PCDH15: variants seen among roughly 807,000 people sequenced by gnomAD.
PCDH15 encodes protocadherin related 15.
PCDH15 carries 129 observed loss-of-function variants against 178.5 expected under a neutral mutation model. That is an observed-to-expected ratio of 0.72 (90% CI 0.63 to 0.84). The LOEUF is 0.84. Ranked by LOEUF, PCDH15 falls within the 40% of genes least tolerant of loss-of-function variation. The pLI is 0.00. For synonymous variants in PCDH15, 800 were observed against 732.0 expected, an observed-to-expected ratio of 1.09 and a Z score of -1.50; for missense variants, 2,230 against 2,099.9, an observed-to-expected ratio of 1.06 and a Z score of -1.21.
At chr10:54,795,531 T>C (rs774900835) in intron 1 of PCDH15, among the ~76,000 whole-genome samples, 5 of 151,916 alleles carry the variant, frequency 3.3e-5, no homozygotes, top group African/African-American at 7.2e-5. Context: ...CCATACTCTA[T>C]GGAAACTAAT....
chr10:54,796,673 T>C (rs1952048297), intron 1 of PCDH15, among the ~76,000 whole-genome samples: 2 of 151,904 alleles, frequency 1.3e-5, no homozygotes, highest in African/African-American at 4.8e-5. Flanking sequence ...CTCTAACTTT[T>C]ATTATGTTTT....
chr10:54,752,538 A>AC (rs1566128952), intron 1 of PCDH15, among the ~76,000 whole-genome samples: 2 of 134,394 alleles, frequency 1.5e-5, no homozygotes, highest in Admixed American at 7.5e-5. Flanking sequence ...ACAAAAAAAA[A>AC]CAATAAAACA....
At chr10:54,607,128 T>C (rs2092778364) in intron 2 of PCDH15, 1 of 152,126 alleles carries the variant, frequency 6.6e-6, no homozygotes, top group Non-Finnish European at 1.5e-5. Context: ...TTTATTGCAA[T>C]TTTAAAAAAT....
chr10:54,672,145 G>C (rs1426604881), intron 1 of PCDH15, among the ~76,000 whole-genome samples: 2 of 151,940 alleles, frequency 1.3e-5, no homozygotes, highest in African/African-American at 4.8e-5. Context: ...GGATCATCTA[G>C]TTGCAAGAAA....
chr10:55,048,042 G>A (rs541223067), intron 2 of PCDH15, among the ~76,000 whole-genome samples: 7 of 151,916 alleles, frequency 4.6e-5, no homozygotes, highest in African/African-American at 1.7e-4. Context: ...CACATTAGCC[G>A]AAGAAAGATA....
intron 21 of PCDH15, among the ~76,000 whole-genome samples, chr10:53,971,701 G>A (rs898065648): frequency 3.3e-5 from 5 of 152,082 alleles, no homozygotes; most frequent in Non-Finnish European, 5.9e-5. Flanking sequence ...GCTTCAAAGA[G>A]AATAAAATAC....
chr10:54,537,326 C>T (rs1218075037), intron 2 of PCDH15, among the ~76,000 whole-genome samples: 1 of 151,986 alleles, frequency 6.6e-6, no homozygotes, highest in African/African-American at 2.4e-5. Context: ...AGATATATAA[C>T]CAGTAATAGG....
At position 54,214,014 on chromosome 10, in the gene PCDH15, C is replaced by T. The variant is rs2051729556; in HGVS notation, c.1020G>A (p.Met340Ile). Reference protein sequence around the residue: ...TPEDYPRFFHMHPRTAELSLL... With the variant: ...TPEDYPRFFHIHPRTAELSLL... ...GACTAAGTTCTGCTGTCCTAGGATG[C>T]ATATGGAAAAATCGTGGGTAATCCT... The change falls in exon 10 of 38, where the codon ATG (methionine) becomes ATA (isoleucine). Residue 340 changes from methionine to isoleucine, a missense_variant. Physicochemically the swap from Met to Ile is conservative, Grantham distance 10 (BLOSUM62 1). Coordinates refer to ENST00000644397, the MANE Select transcript of PCDH15 (RefSeq NM_001384140.1). 1 of 1,610,672 alleles carries T rather than the reference C, an allele frequency of 6.2e-7. No homozygotes were observed. Among genetic ancestry groups the T allele is most frequent in the African/African-American group, 1.3e-5 (1 of 74,836 alleles).
At chr10:54,804,578 A>G (rs1025485651), upstream of PCDH15, among the ~76,000 whole-genome samples, 1 of 152,022 alleles carries the variant, frequency 6.6e-6, no homozygotes, top group Non-Finnish European at 1.5e-5. Flanking sequence ...GAAAATGAAT[A>G]TGTTTAGCAG....
At chr10:54,671,695 A>C (rs1409464920) in intron 1 of PCDH15, among the ~76,000 whole-genome samples, 4 of 152,214 alleles carry the variant, frequency 2.6e-5, no homozygotes. Flanking sequence ...AATGCACTTT[A>C]TAAGATGCAG....
intron 14 of PCDH15, among the ~76,000 whole-genome samples, chr10:54,138,643 C>T (rs72797053): frequency 0.03 from 4,491 of 152,218 alleles, 86 homozygotes; most frequent in Middle Eastern, 0.082. Context: ...GTGATGTTCT[C>T]TTGTGATGCT....
At chr10:55,385,963 A>T (rs2132007613) in intron 2 of PCDH15, among the ~76,000 whole-genome samples, 1 of 151,806 alleles carries the variant, frequency 6.6e-6, no homozygotes, top group South Asian at 2.1e-4. Context: ...TAAAATTTGG[A>T]TCTAAAGTGA....
chr10:54,242,633 C>T (rs72799021), intron 8 of PCDH15, among the ~76,000 whole-genome samples: 3,198 of 152,116 alleles, frequency 0.021, 50 homozygotes, highest in Non-Finnish European at 0.031. Context: ...AATGACATTT[C>T]GCAGACTGAT....
chr10:53,821,242 A>G (rs537082072), intron 32 of PCDH15: 1 of 984,304 alleles, frequency 1.0e-6, no homozygotes, highest in African/African-American at 1.7e-5. Context: ...TACTACTAAG[A>G]TAAAAGCAAG....
chr10:54,110,506 C>G (rs1287366473), intron 15 of PCDH15, among the ~76,000 whole-genome samples: 3 of 152,044 alleles, frequency 2.0e-5, no homozygotes, highest in African/African-American at 2.4e-5. Flanking sequence ...CTTCTGATTC[C>G]AAATCACTCA....
chr10:53,820,311 G>C (rs1304031156), intron 32 of PCDH15, 81 bp from the exon 33 acceptor site: 1 of 395,696 alleles, frequency 2.5e-6, no homozygotes, highest in Non-Finnish European at 4.5e-6. Flanking sequence ...TCGATGAAAA[G>C]ATTTTGAAGC....
At chr10:55,490,606 T>C (rs1840390090) in intron 2 of PCDH15, among the ~76,000 whole-genome samples, 1 of 151,766 alleles carries the variant, frequency 6.6e-6, no homozygotes, top group South Asian at 2.1e-4. Flanking sequence ...TACTCTAGAC[T>C]TTACTTTAGA....
chr10:54,219,141 G>A (rs1393437851), intron 9 of PCDH15, among the ~76,000 whole-genome samples: 1 of 150,256 alleles, frequency 6.7e-6, no homozygotes, highest in Non-Finnish European at 1.5e-5. Flanking sequence ...CGGGCGTGGT[G>A]GTGGGCACCT....
intron 25 of PCDH15, among the ~76,000 whole-genome samples, chr10:53,937,896 T>A (rs2085715816): frequency 6.6e-6 from 1 of 152,134 alleles, no homozygotes; most frequent in Non-Finnish European, 1.5e-5. Flanking sequence ...TGTCCAGGGA[T>A]AGTCCCTGGG....
Sources: gnomAD v4.1 joint callset for allele counts (sites outside exome capture counted in the v4.1 genomes callset) on GRCh38, gnomAD v4.1.1 for gene constraint, MANE v1.5 for transcripts, NCBI Gene and HGNC (gene_info 2026-07-23, HGNC 2026-07-21) for gene names.